PHF2: variants seen among roughly 807,000 people sequenced by gnomAD.
PHF2 encodes lysine-specific demethylase PHF2.
A neutral mutation model predicts 120.5 loss-of-function variants in PHF2; 27 were observed. The ratio of observed to expected loss-of-function variants is 0.22; its 90% CI spans 0.17 to 0.31. The LOEUF is 0.31. Ranked by LOEUF, PHF2 falls within the 10% of genes least tolerant of loss-of-function variation. The pLI, the probability that PHF2 is intolerant of heterozygous loss-of-function variation, is 1.00. For missense variants in PHF2, 1,024 were observed against 1,434.8 expected (o/e 0.71, Z 4.63); for synonymous variants, 568 against 592.5 (o/e 0.96, Z 0.60).
At chr9:93,673,453 C>T (rs1826846648) in intron 17 of PHF2, 132 bp from the exon 18 acceptor site, 5 of 707,792 alleles carry the variant, frequency 7.1e-6, no homozygotes, top group Non-Finnish European at 1.1e-5. Context: ...ACCCTCTCTG[C>T]TCCACGCCCT....
Position 93,678,545 on chromosome 9 carries a change from AC to A in PHF2, c.*870del, listed in dbSNP as rs1165318081. 6.6e-6 allele frequency: 1 copy of A among 152,456 alleles called. No individual in the cohort carries two copies. Among genetic ancestry groups the A allele is most frequent in the African/African-American group, 2.4e-5 (1 of 41,424 alleles). 9.4% of individuals were successfully genotyped at this position (152,456 alleles called of 1,614,324 possible). A position where few individuals can be genotyped will look rare whatever the true frequency, so the allele number is the denominator to read the frequency against. Reference sequence around the variant, plus strand: ...CAGTGGCCAGGCGGCCCGAGGACTTACGGTCGGCACTTCTCTGTTCTCCCGT... The same window carrying A: ...CAGTGGCCAGGCGGCCCGAGGACTTAGGTCGGCACTTCTCTGTTCTCCCGT... On this transcript the variant is annotated 3_prime_UTR_variant, in exon 22 of 22. Transcript: ENST00000359246.
intron 1 of PHF2, among the ~76,000 whole-genome samples, chr9:93,610,939 G>T (rs909773269): frequency 6.6e-6 from 1 of 152,220 alleles, no homozygotes; most frequent in African/African-American, 2.4e-5. Flanking sequence ...TCCACTCCTG[G>T]CTTTCGTGTC....
At chr9:93,584,975 T>C (rs1189891126) in intron 1 of PHF2, among the ~76,000 whole-genome samples, 1 of 152,266 alleles carries the variant, frequency 6.6e-6, no homozygotes, top group Non-Finnish European at 1.5e-5. Flanking sequence ...TCCTAGATGT[T>C]TTATTCTTTT....
In PHF2 at chr9:93,607,439, ATTT is replaced by A. The variant is rs36083667; in HGVS notation, c.99-22510_99-22508del. ...GGCCATGCACCAACATGCCTGGCTAATTTTTTTTTTTTTTTTTTTTTTTGGTAG... is the reference window on the plus strand; with the variant it reads ...GGCCATGCACCAACATGCCTGGCTAATTTTTTTTTTTTTTTTTTTTGGTAG... On this transcript the variant is annotated intron_variant, in intron 1 of 21. Coordinates refer to ENST00000359246, the MANE Select transcript of PHF2 (RefSeq NM_005392.4). Among the ~76,000 whole-genome samples the A allele has an allele frequency of 3.9e-3, 397 of 100,530 alleles. 3 individuals are homozygous for A. The highest frequency in any genetic ancestry group is 4.9e-3 in the South Asian group (14 of 2,848). The allele number at this position is 100,530 out of a possible 152,430, so 66.0% of individuals were successfully genotyped here. A position where few individuals can be genotyped will look rare whatever the true frequency, so the allele number is the denominator to read the frequency against.
chr9:93,604,397 G>A (rs1377775206), intron 1 of PHF2, among the ~76,000 whole-genome samples: 1 of 151,650 alleles, frequency 6.6e-6, no homozygotes, highest in Non-Finnish European at 1.5e-5. Context: ...GGATTTAGAG[G>A]ATTCTGAGAT....
At chr9:93,625,614 G>C (rs1424585720) in intron 1 of PHF2, among the ~76,000 whole-genome samples, 1 of 151,486 alleles carries the variant, frequency 6.6e-6, no homozygotes, top group Non-Finnish European at 1.5e-5. Flanking sequence ...AGTAGCTAGG[G>C]CCACAGGTAT....
intron 1 of PHF2, among the ~76,000 whole-genome samples, chr9:93,611,557 A>G (rs184788737): frequency 1.0e-3 from 154 of 152,298 alleles, no homozygotes; most frequent in African/African-American, 3.5e-3. Context: ...GTCACCCAGG[A>G]TGGAGTGCAG....
chr9:93,612,796 G>T (rs1200109222), intron 1 of PHF2, among the ~76,000 whole-genome samples: 1 of 152,168 alleles, frequency 6.6e-6, no homozygotes, highest in Admixed American at 6.5e-5. Context: ...GCAGACTCTT[G>T]CAGGGCCCCG....
At chr9:93,583,089 A>G (rs1489158881) in intron 1 of PHF2, among the ~76,000 whole-genome samples, 1 of 152,172 alleles carries the variant, frequency 6.6e-6, no homozygotes, top group Non-Finnish European at 1.5e-5. Flanking sequence ...GCCCCTGACA[A>G]CTAGCAGTCT....
intron 6 of PHF2, 129 bp downstream of exon 6, chr9:93,653,494 C>A: frequency 1.1e-6 from 1 of 930,514 alleles, no homozygotes; most frequent in Non-Finnish European, 1.6e-6. Flanking sequence ...ACTGTCCATC[C>A]CTGGGACAGG....
At position 93,673,337 on chromosome 9, in the gene PHF2, C is replaced by CT. The variant is rs797002887; in HGVS notation, c.2349-247dup. Reference sequence around the variant, plus strand: ...TTCCGTCTCCTCTCCATGCCCATCTCTGTCTCCAGGCCTCCAGCCCTCCCT... The same window carrying CT: ...TTCCGTCTCCTCTCCATGCCCATCTCTTGTCTCCAGGCCTCCAGCCCTCCCT... On this transcript the variant is annotated intron_variant, in intron 17 of 21. Transcript: ENST00000359246. Among the ~76,000 whole-genome samples the CT allele has an allele frequency of 7.9e-5, 12 of 152,184 alleles. No individual in the cohort carries two copies. The East Asian group carries it at 2.3e-3, about 29-fold the overall frequency.
chr9:93,640,858 A>C (rs1477257532), intron 3 of PHF2, among the ~76,000 whole-genome samples: 2 of 152,142 alleles, frequency 1.3e-5, no homozygotes, highest in Non-Finnish European at 2.9e-5. Flanking sequence ...TCTGAGTAGG[A>C]CCTGGGCTGT....
At chr9:93,659,837 C>T (rs3750357) in intron 11 of PHF2, among the ~76,000 whole-genome samples, 51,461 of 152,014 alleles carry the variant, frequency 0.34, 9,133 homozygotes, top group Non-Finnish European at 0.39. Flanking sequence ...GAAATGGCAC[C>T]AGCCTCTCTG....
chr9:93,608,010 AAGGAAAGGAG>A (rs375019826), intron 1 of PHF2, among the ~76,000 whole-genome samples: 3 of 37,984 alleles, frequency 7.9e-5, no homozygotes, highest in Non-Finnish European at 1.9e-4. Flanking sequence ...AGAGAGAGAG[AAGGAAAGGAG>A]GAAGGAAAGA....
intron 1 of PHF2, among the ~76,000 whole-genome samples, chr9:93,578,592 C>T (rs1456348127): frequency 6.6e-6 from 1 of 152,182 alleles, no homozygotes; most frequent in Non-Finnish European, 1.5e-5. Flanking sequence ...ACACTCGGGG[C>T]CCAGAGTAGG....
intron 1 of PHF2, among the ~76,000 whole-genome samples, chr9:93,605,770 T>C (rs564238488): frequency 1.3e-5 from 2 of 152,238 alleles, no homozygotes; most frequent in African/African-American, 4.8e-5. Flanking sequence ...TAATATTTCA[T>C]TGTCTGGATG....
rs10992830 is a variant in PHF2, at chr9:93,656,255, C to T, written c.1040+234C>T. Among the ~76,000 whole-genome samples the T allele has an allele frequency of 6.6e-6, 1 of 152,024 alleles. No homozygotes were observed. Among genetic ancestry groups the T allele is most frequent in the Non-Finnish European group, 1.5e-5 (1 of 68,002 alleles). ...CCTGGCTGCTGGATGGTTGTAGTTGCCCTTGGTGGGGTTGGGGTTGCTTAA... is the reference window on the plus strand; with the variant it reads ...CCTGGCTGCTGGATGGTTGTAGTTGTCCTTGGTGGGGTTGGGGTTGCTTAA... On this transcript the variant is annotated intron_variant, in intron 8 of 21. Coordinates refer to ENST00000359246, the MANE Select transcript of PHF2 (RefSeq NM_005392.4). This position sits in a 1 kb window ranked among gnomAD's most constrained non-coding sequence, Gnocchi z 4.1.
At chr9:93,612,584 T>A (rs1825655093) in intron 1 of PHF2, among the ~76,000 whole-genome samples, 1 of 152,242 alleles carries the variant, frequency 6.6e-6, no homozygotes, top group South Asian at 2.1e-4. Flanking sequence ...ACGTTTTCAT[T>A]TTGTGATTTG....
chr9:93,652,294 T>C (rs1826382194), intron 5 of PHF2, among the ~76,000 whole-genome samples: 2 of 146,254 alleles, frequency 1.4e-5, no homozygotes, highest in South Asian at 4.4e-4. Flanking sequence ...GCTTGACTTT[T>C]TTTTTTTTTT....
Sources: allele counts gnomAD v4.1 joint callset (sites outside exome capture counted in the v4.1 genomes callset), GRCh38; gene constraint gnomAD v4.1.1; non-coding constraint Gnocchi (gnomAD v3.1); transcripts MANE v1.5; gene names NCBI Gene and HGNC (gene_info 2026-07-23, HGNC 2026-07-21).